The following WDR72 variants were observed in gnomAD, a reference collection of about 807,000 sequenced individuals.
WDR72 encodes the protein WD repeat domain 72.
In WDR72, 120 loss-of-function variants were observed where a neutral mutation model predicts 124.2. The ratio of observed to expected loss-of-function variants is 0.97; its 90% CI spans 0.83 to 1.12. The LOEUF (loss-of-function observed/expected upper bound fraction) is 1.12, where lower values mean the gene tolerates loss of function less well. Ranked by LOEUF, WDR72 falls within the 50% of genes most tolerant of loss-of-function variation. The probability of loss-of-function intolerance (pLI) is 0.00; values close to 1 mark genes in which losing one functional copy is unlikely to be tolerated. For synonymous variants in WDR72, 452 were observed against 441.7 expected (o/e 1.02, Z -0.29); for missense variants, 1,387 against 1,278.8 (o/e 1.08, Z -1.29).
At chr15:53,675,761 C>A (rs778709012) in intron 13 of WDR72, among the ~76,000 whole-genome samples, 6 of 152,038 alleles carry the variant, frequency 3.9e-5, no homozygotes, top group Admixed American at 2.6e-4. Flanking sequence ...CTGAGTTGAT[C>A]TGGAATTTTT....
intron 2 of WDR72, among the ~76,000 whole-genome samples, chr15:53,727,500 T>C (rs1402926822): frequency 1.3e-5 from 2 of 152,190 alleles, no homozygotes; most frequent in African/African-American, 2.4e-5. Context: ...CAAGAAGTGT[T>C]TTGTGGTTGA....
Position 53,555,316 on chromosome 15 carries a change from C to T in WDR72, c.3149-31994G>A, listed in dbSNP as rs530229439. Among the ~76,000 whole-genome samples the T allele has an allele frequency of 4.0e-5, 6 of 151,820 alleles. No homozygotes were observed. The South Asian group carries it at 1.3e-3, about 32-fold the overall frequency. On this transcript the variant is annotated intron_variant, in intron 18 of 19. Transcript: ENST00000360509. ...ACGGAGGACAGAGGCAGGGCGGACC[C>T]ACGAAAGACTTCAGAGCAGAGGCAG...
chr15:53,704,940 G>C (rs1185091968), intron 11 of WDR72, 48 bp downstream of exon 11: 1 of 1,604,300 alleles, frequency 6.2e-7, no homozygotes, highest in Non-Finnish European at 8.5e-7. Context: ...TGTTGAAATT[G>C]CAGCTTTAGA....
At position 53,710,942 on chromosome 15, in the gene WDR72, T is replaced by C; in HGVS notation, c.869A>G (p.Lys290Arg). 6.2e-7 allele frequency: 1 copy of C among 1,613,678 alleles called. No individual in the cohort carries two copies. Among genetic ancestry groups the C allele is most frequent in the Non-Finnish European group, 8.5e-7 (1 of 1,179,884 alleles). ...IYQLLNSGLS[K>R]SIYPADGRVL... ...TCTTCCATCAGCAGGGTATATGCTT[T>C]TTGAAAGCCCACTGCGTGGCAAAAA... The change falls in exon 9 of 20, where the codon AAA becomes AGA. Residue 290 changes from lysine to arginine, a missense_variant. Coordinates refer to ENST00000360509, the MANE Select transcript of WDR72 (RefSeq NM_182758.4).
At chr15:53,622,544 T>C (rs952651088) in intron 14 of WDR72, among the ~76,000 whole-genome samples, 1 of 151,964 alleles carries the variant, frequency 6.6e-6, no homozygotes, top group Admixed American at 6.6e-5. Flanking sequence ...AAACACCCCA[T>C]GTCCTAATTT....
At chr15:53,562,105 C>G (rs1894144078) in intron 18 of WDR72, among the ~76,000 whole-genome samples, 1 of 151,790 alleles carries the variant, frequency 6.6e-6, no homozygotes, top group Non-Finnish European at 1.5e-5. Flanking sequence ...AAAGCAATGT[C>G]AGTCTTCCTA....
intron 13 of WDR72, among the ~76,000 whole-genome samples, chr15:53,673,727 C>T (rs774550078): frequency 6.6e-6 from 1 of 152,178 alleles, no homozygotes; most frequent in Non-Finnish European, 1.5e-5. Context: ...CAGTGGCTCA[C>T]ACCTGTAATC....
At chr15:53,576,634 CT>C (rs2011630448) in intron 18 of WDR72, among the ~76,000 whole-genome samples, 2 of 152,072 alleles carry the variant, frequency 1.3e-5, no homozygotes, top group South Asian at 4.2e-4. Flanking sequence ...AATTTTTCAA[CT>C]TAAAGCTACC....
At chr15:53,660,965 T>G (rs2015588730) in intron 14 of WDR72, among the ~76,000 whole-genome samples, 1 of 152,132 alleles carries the variant, frequency 6.6e-6, no homozygotes, top group Non-Finnish European at 1.5e-5. Flanking sequence ...GATCTCCAAG[T>G]CCAGTAGACT....
intron 18 of WDR72, among the ~76,000 whole-genome samples, chr15:53,527,539 A>C (rs995871241): frequency 6.6e-6 from 1 of 152,082 alleles, no homozygotes; most frequent in African/African-American, 2.4e-5. Flanking sequence ...GTGTGAATAA[A>C]ATCTGCAGTC....
In WDR72 at chr15:53,610,105, T is replaced by G. The variant is rs146268260; in HGVS notation, c.2873-513A>C. 1.6e-4 allele frequency among the ~76,000 whole-genome samples: 24 copies of G among 152,182 alleles called. 1 individual carries two copies. The highest frequency in any genetic ancestry group is 5.8e-4 in the African/African-American group (24 of 41,532). ...TCCTTACCCAGCTATACCACTTTGA[T>G]CAATAGGTAGAGCACTACTGTTTTA... On this transcript the variant is annotated intron_variant, in intron 16 of 19. Transcript: ENST00000360509.
chr15:53,689,435 C>G (rs1427298358), intron 13 of WDR72, among the ~76,000 whole-genome samples: 1 of 149,406 alleles, frequency 6.7e-6, no homozygotes, highest in Non-Finnish European at 1.5e-5. Context: ...CAAAAGAAGA[C>G]ATTTATGCAG....
chr15:53,543,156 T>C (rs1893242690), intron 18 of WDR72, among the ~76,000 whole-genome samples: 1 of 142,724 alleles, frequency 7.0e-6, no homozygotes, highest in African/African-American at 2.6e-5. Context: ...AATAGACATC[T>C]ACAGAACTCT....
Position 53,567,279 on chromosome 15 carries a change from T to C in WDR72, c.3148+29800A>G, listed in dbSNP as rs187857785. On this transcript the variant is annotated intron_variant, in intron 18 of 19. Coordinates refer to ENST00000360509, the MANE Select transcript of WDR72 (RefSeq NM_182758.4). Reference sequence around the variant, plus strand: ...CACATTTGGAATCGAGAAATGAGTATAGATTTTCTAAAACTGCCTAGACTG... The same window carrying C: ...CACATTTGGAATCGAGAAATGAGTACAGATTTTCTAAAACTGCCTAGACTG... 4.3e-4 allele frequency among the ~76,000 whole-genome samples: 66 copies of C among 152,094 alleles called. 1 individual carries two copies. The East Asian group carries it at 0.012, about 27-fold the overall frequency.
chr15:53,681,893 A>G (rs112611737), intron 13 of WDR72, among the ~76,000 whole-genome samples: 1 of 152,204 alleles, frequency 6.6e-6, no homozygotes, highest in Non-Finnish European at 1.5e-5. Flanking sequence ...AAAAAAAGTG[A>G]ATCAAATGAT....
intron 1 of WDR72, among the ~76,000 whole-genome samples, chr15:53,745,789 C>T (rs566024899): frequency 1.3e-5 from 2 of 152,176 alleles, no homozygotes; most frequent in East Asian, 3.9e-4. Context: ...CCGCTCTTTC[C>T]TTCTACAGAT....
intron 1 of WDR72, among the ~76,000 whole-genome samples, chr15:53,737,351 A>G (rs528872755): frequency 2.2e-4 from 34 of 152,372 alleles, no homozygotes; most frequent in African/African-American, 8.2e-4. Context: ...AACAGAATGA[A>G]TAAATGGATT....
intron 14 of WDR72, among the ~76,000 whole-genome samples, chr15:53,650,858 A>ACTCCTCTT (rs1331533129): frequency 7.3e-6 from 1 of 137,256 alleles, no homozygotes; most frequent in Non-Finnish European, 1.5e-5. Context: ...TAAGCAATGG[A>ACTCCTCTT]CTCCTCTTCC....
At chr15:53,644,777 G>C (rs1428246284) in intron 14 of WDR72, among the ~76,000 whole-genome samples, 2 of 151,894 alleles carry the variant, frequency 1.3e-5, no homozygotes, top group African/African-American at 4.8e-5. Context: ...TGATTGGCAG[G>C]GCAAATAGAA....
Sources: gnomAD v4.1 joint callset for allele counts (sites outside exome capture counted in the v4.1 genomes callset) on GRCh38, gnomAD v4.1.1 for gene constraint, MANE v1.5 for transcripts, NCBI Gene and HGNC (gene_info 2026-07-23, HGNC 2026-07-21) for gene names.